The following ASTN2 variants were observed in gnomAD, a reference collection of about 807,000 sequenced individuals.
ASTN2 encodes astrotactin-2.
In ASTN2, 54 loss-of-function variants were observed where a neutral mutation model predicts 139.8. That is an observed-to-expected ratio of 0.39 (90% confidence interval 0.31 to 0.48). The LOEUF is 0.48. Ranked by LOEUF, ASTN2 falls within the 20% of genes least tolerant of loss-of-function variation. The pLI is 0.95. For synonymous variants in ASTN2, 756 were observed against 719.5 expected, an observed-to-expected ratio of 1.05 and a Z score of -0.81; for missense variants, 1,565 against 1,725.1, an observed-to-expected ratio of 0.91 and a Z score of 1.64.
chr9:116,520,223 C>T (rs1240824595), intron 19 of ASTN2, among the ~76,000 whole-genome samples: 1 of 151,986 alleles, frequency 6.6e-6, no homozygotes, highest in Admixed American at 6.6e-5. Flanking sequence ...ACCAATATTC[C>T]TGATGAACAT....
At chr9:116,840,683 G>C (rs1230644137) in intron 11 of ASTN2, among the ~76,000 whole-genome samples, 1 of 87,590 alleles carries the variant, frequency 1.1e-5, no homozygotes, top group Non-Finnish European at 2.9e-5. Context: ...CAGGCAGAGG[G>C]TCTCCTCACT....
At chr9:117,235,866 C>A (rs1833029649) in intron 2 of ASTN2, among the ~76,000 whole-genome samples, 1 of 152,176 alleles carries the variant, frequency 6.6e-6, no homozygotes, top group Non-Finnish European at 1.5e-5. Context: ...CCTAGCCCTA[C>A]AGTTTGCAGA....
chr9:116,928,517 A>G (rs539856146), intron 10 of ASTN2, among the ~76,000 whole-genome samples: 2 of 152,316 alleles, frequency 1.3e-5, no homozygotes, highest in South Asian at 4.2e-4. Flanking sequence ...TTTCTGCAGC[A>G]GATACTCAAG....
chr9:116,719,788 C>T (rs1464920663), intron 16 of ASTN2, among the ~76,000 whole-genome samples: 1 of 151,220 alleles, frequency 6.6e-6, no homozygotes, highest in African/African-American at 2.4e-5. Flanking sequence ...ATGCAACAGT[C>T]CAGAGGGGAA....
At chr9:116,668,542 T>C (rs1859008384) in intron 16 of ASTN2, among the ~76,000 whole-genome samples, 1 of 152,216 alleles carries the variant, frequency 6.6e-6, no homozygotes, top group Admixed American at 6.5e-5. Context: ...TGTATTTTCA[T>C]GGTTTAGAAG....
At position 116,565,686 on chromosome 9, in the gene ASTN2, T is replaced by C. The variant is rs968664801; in HGVS notation, c.3355+52638A>G. On this transcript the variant is annotated intron_variant, in intron 19 of 22. Transcript: ENST00000313400. Reference sequence around the variant, plus strand: ...TTAGCAGAGACAGGGTCTCGCCATGTTGTCCAGGCTGGTCTTGAACTCCTG... The same window carrying C: ...TTAGCAGAGACAGGGTCTCGCCATGCTGTCCAGGCTGGTCTTGAACTCCTG... Among the ~76,000 whole-genome samples the C allele has an allele frequency of 3.3e-5, 5 of 152,004 alleles. No individual in the cohort carries two copies. In the South Asian group the frequency reaches 8.3e-4, roughly 25 times the overall value.
intron 13 of ASTN2, among the ~76,000 whole-genome samples, chr9:116,791,656 T>C (rs569256506): frequency 6.6e-6 from 1 of 152,352 alleles, no homozygotes; most frequent in Non-Finnish European, 1.5e-5. Flanking sequence ...CTGTGCTAAT[T>C]ACAATCTAAC....
rs373875904 is a variant in ASTN2 at position 116,790,863 on chromosome 9, C to T, written c.2396+14769G>A. Among the ~76,000 whole-genome samples the T allele has an allele frequency of 2.1e-3, 295 of 143,316 alleles. 1 individual carries two copies. Among genetic ancestry groups the T allele is most frequent in the South Asian group, 4.2e-3 (19 of 4,534 alleles). 94.0% of individuals were successfully genotyped at this position (143,316 alleles called of 152,430 possible). A position where few individuals can be genotyped will look rare whatever the true frequency, so the allele number is the denominator to read the frequency against. ...CTAATTCTTGTATTTTTACTAGAGA[C>T]GGGGTTTCACCATATTGAAAAGAAA... is the stretch of plus-strand genomic sequence containing the variant. On this transcript the variant is annotated intron_variant, in intron 13 of 22. Coordinates refer to ENST00000313400, the MANE Select transcript of ASTN2 (RefSeq NM_001365068.1).
chr9:117,300,892 C>A (rs1247406729), intron 1 of ASTN2, among the ~76,000 whole-genome samples: 1 of 152,180 alleles, frequency 6.6e-6, no homozygotes, highest in Admixed American at 6.5e-5. Flanking sequence ...CTCCCCAACC[C>A]CAGCTGTCAG....
At position 117,364,312 on chromosome 9, in the gene ASTN2, C is replaced by G. The variant is rs1829774904; in HGVS notation, c.442+50185G>C. On this transcript the variant is annotated intron_variant, in intron 1 of 22. Coordinates refer to ENST00000313400, the MANE Select transcript of ASTN2 (RefSeq NM_001365068.1). ...AGCATCAACCCAATAAAGACCAACT[C>G]TTAGAACTCATCATGAAGGGCTTGT... Among the ~76,000 whole-genome samples the G allele has an allele frequency of 2.0e-5, 3 of 152,200 alleles. No homozygotes were observed. The South Asian group carries it at 6.2e-4, about 32-fold the overall frequency.
At position 117,093,845 on chromosome 9, in the gene ASTN2, G is replaced by A. The variant is rs189228461; in HGVS notation, c.1276+2199C>T. Among the ~76,000 whole-genome samples the A allele has an allele frequency of 1.1e-4, 17 of 152,164 alleles. No individual in the cohort carries two copies. The East Asian group carries it at 3.3e-3, about 29-fold the overall frequency. ...TTAAGAAAGCTCTCCCTGTGATCCT[G>A]CAAAAAGCGTAGGGTAATTCATGCT... On this transcript the variant is annotated intron_variant, in intron 5 of 22. Coordinates refer to ENST00000313400, the MANE Select transcript of ASTN2 (RefSeq NM_001365068.1).
chr9:116,860,241 T>C (rs58115289), intron 11 of ASTN2, among the ~76,000 whole-genome samples: 65 of 152,248 alleles, frequency 4.3e-4, no homozygotes, highest in African/African-American at 1.5e-3. Flanking sequence ...AAGTTTCCAC[T>C]AACAATGGAA....
At chr9:116,653,707 G>C (rs971225299) in intron 16 of ASTN2, among the ~76,000 whole-genome samples, 1 of 152,212 alleles carries the variant, frequency 6.6e-6, no homozygotes, top group African/African-American at 2.4e-5. Flanking sequence ...TTCTAGGCTT[G>C]TAGTGACATG....
At chr9:117,155,281 A>G (rs1023558570) in intron 3 of ASTN2, among the ~76,000 whole-genome samples, 3 of 152,028 alleles carry the variant, frequency 2.0e-5, no homozygotes, top group African/African-American at 7.2e-5. Flanking sequence ...AGCAGCCAAA[A>G]AACTGAGCTA....
chr9:116,818,381 T>C (rs1831394328), intron 12 of ASTN2, among the ~76,000 whole-genome samples: 1 of 152,250 alleles, frequency 6.6e-6, no homozygotes, highest in African/African-American at 2.4e-5. Context: ...TGCTAATAGC[T>C]TTCATTGTTT....
chr9:117,270,575 A>C (rs1380350091), intron 2 of ASTN2, among the ~76,000 whole-genome samples: 1 of 152,132 alleles, frequency 6.6e-6, no homozygotes, highest in Admixed American at 6.5e-5. Context: ...CCTTTCAATT[A>C]TCCCCAAGGG....
chr9:116,446,962 C>T (rs1469123694), intron 20 of ASTN2, among the ~76,000 whole-genome samples: 1 of 152,176 alleles, frequency 6.6e-6, no homozygotes, highest in African/African-American at 2.4e-5. Context: ...TCATCTTCAT[C>T]ATCCTTAGGA....
rs542450729 is a variant in ASTN2, at chr9:116,430,569, T to C, written c.3783-4481A>G. On this transcript the variant is annotated intron_variant, in intron 22 of 22. Coordinates refer to ENST00000313400, the MANE Select transcript of ASTN2 (RefSeq NM_001365068.1). Reference sequence around the variant, plus strand: ...GCAGAATATTATCGTGAAAAGCACATAGGCTTTAGAGTCCATAAGGGCAAG... The same window carrying C: ...GCAGAATATTATCGTGAAAAGCACACAGGCTTTAGAGTCCATAAGGGCAAG... 8.5e-5 allele frequency among the ~76,000 whole-genome samples: 13 copies of C among 152,338 alleles called. No homozygotes were observed. The South Asian group carries it at 2.3e-3, about 27-fold the overall frequency.
rs1372805124 is a variant in ASTN2 at position 116,806,317 on chromosome 9, G to A, written c.2208-497C>T. Among the ~76,000 whole-genome samples the A allele has an allele frequency of 3.3e-5, 5 of 152,286 alleles. No homozygotes were observed. In the South Asian group the frequency reaches 6.2e-4, roughly 19 times the overall value. ...TCACTTAGGGATTTTAGCAGCCTCC[G>A]TTGGTCTAACAGCCAGAAAAGCCCT... On this transcript the variant is annotated intron_variant, in intron 12 of 22. Transcript: ENST00000313400.
Sources: gnomAD v4.1 joint callset for allele counts (sites outside exome capture counted in the v4.1 genomes callset) on GRCh38, gnomAD v4.1.1 for gene constraint, MANE v1.5 for transcripts, NCBI Gene and HGNC (gene_info 2026-07-23, HGNC 2026-07-21) for gene names.